The following ZFX variants were observed in gnomAD, a reference collection of about 807,000 sequenced individuals.
ZFX encodes zinc finger X-chromosomal protein.
For missense variants in ZFX, 362 were observed against 628.3 expected, an observed-to-expected ratio of 0.58 and a Z score of 4.53; for synonymous variants, 196 against 226.8, an observed-to-expected ratio of 0.86 and a Z score of 1.22.
intron 4 of ZFX, among the ~76,000 whole-genome samples, chrX:24,178,717 T>C (rs1227406552): frequency 1.8e-5 from 2 of 111,130 alleles, no homozygotes; most frequent in Admixed American, 1.9e-4. Context: ...AAGTTGGGAT[T>C]ATAGGCTTGT....
chrX:24,205,776 C>T (rs1399237367), intron 5 of ZFX, among the ~76,000 whole-genome samples: 2 of 111,064 alleles, frequency 1.8e-5, no homozygotes, highest in Non-Finnish European at 3.8e-5. Context: ...GTCGCTTGAA[C>T]CCAGGAAGCA....
At chrX:24,155,170 AAAG>A (rs759630220) in intron 3 of ZFX, among the ~76,000 whole-genome samples, 1 of 112,284 alleles carries the variant, frequency 8.9e-6, no homozygotes, top group South Asian at 3.7e-4. Context: ...AAAAAGGAAT[AAAG>A]AAAAAAAGTA....
chrX:24,194,508 T>TGGTA (rs1276769514), intron 5 of ZFX, among the ~76,000 whole-genome samples: 1 of 111,248 alleles, frequency 9.0e-6, no homozygotes, highest in African/African-American at 3.3e-5. Context: ...GGTTCCTGCC[T>TGGTA]GGTACCCTGA....
intron 5 of ZFX, among the ~76,000 whole-genome samples, chrX:24,206,363 A>C (rs1229266723): frequency 1.8e-5 from 2 of 110,823 alleles, no homozygotes; most frequent in Non-Finnish European, 3.8e-5. Flanking sequence ...ACATTCTTCT[A>C]AGTTTTTTTG....
intron 5 of ZFX, among the ~76,000 whole-genome samples, chrX:24,197,563 A>AT (rs1437911448): frequency 8.9e-6 from 1 of 112,282 alleles, no homozygotes. Flanking sequence ...ATGGAGAAAG[A>AT]TAAAGGATAC....
intron 5 of ZFX, among the ~76,000 whole-genome samples, chrX:24,186,542 G>A (rs1417746424): frequency 1.8e-5 from 2 of 110,993 alleles, no homozygotes; most frequent in African/African-American, 6.6e-5. Context: ...AGGATCCCTT[G>A]AGCACAGGTG....
intron 5 of ZFX, among the ~76,000 whole-genome samples, chrX:24,194,017 T>C (rs902136780): frequency 4.5e-5 from 5 of 111,391 alleles, no homozygotes; most frequent in Non-Finnish European, 9.4e-5. Flanking sequence ...TTTCTGTCTC[T>C]TAGGAATTCG....
chrX:24,205,545 TTG>T (rs1457793017), intron 5 of ZFX, among the ~76,000 whole-genome samples: 1 of 112,353 alleles, frequency 8.9e-6, no homozygotes, highest in African/African-American at 3.2e-5. Flanking sequence ...CTTGGCTACT[TTG>T]TAAAGTTTTA....
chrX:24,153,763 C>G (rs1023511454), intron 3 of ZFX, among the ~76,000 whole-genome samples: 2 of 111,111 alleles, frequency 1.8e-5, no homozygotes, highest in Non-Finnish European at 3.8e-5. Context: ...AATATAGAGA[C>G]AAGTTCTGAT....
intron 5 of ZFX, among the ~76,000 whole-genome samples, chrX:24,198,490 T>G (rs755528022): frequency 6.3e-5 from 7 of 110,492 alleles, no homozygotes; most frequent in South Asian, 3.8e-4. Flanking sequence ...TTTGTTTTTT[T>G]TTTTTTTTTT....
chrX:24,173,840 C>T (rs1022765124), intron 4 of ZFX: 1 of 407,939 alleles, frequency 2.5e-6, no homozygotes. Context: ...TGTGATCTGC[C>T]TGCCTCGGTC....
chrX:24,155,710 C>T (rs1332111267), intron 3 of ZFX, among the ~76,000 whole-genome samples: 2 of 112,295 alleles, frequency 1.8e-5, no homozygotes, highest in African/African-American at 6.5e-5. Flanking sequence ...TTTTCCCAAT[C>T]TGTTGGGTAT....
intron 3 of ZFX, among the ~76,000 whole-genome samples, chrX:24,171,896 G>C (rs1451729864): frequency 1.6e-5 from 1 of 62,675 alleles, no homozygotes; most frequent in African/African-American, 8.2e-5. Context: ...CACCAGGACA[G>C]AGAGAGAAGG....
intron 5 of ZFX, among the ~76,000 whole-genome samples, chrX:24,182,786 CAG>C (rs1361053090): frequency 9.0e-6 from 1 of 111,200 alleles, no homozygotes; most frequent in East Asian, 2.8e-4. Context: ...AATCACTGGA[CAG>C]AGAGAACCTG....
rs772490555 is a variant in ZFX, at chrX:24,161,003, C to T, written c.-29+8173C>T. ...TTTTCTTTTTGTATTACTGTTATCTCTGTGATATTTATTTCTAATTTTATT... is the reference window on the plus strand; with the variant it reads ...TTTTCTTTTTGTATTACTGTTATCTTTGTGATATTTATTTCTAATTTTATT... On this transcript the variant is annotated intron_variant, in intron 3 of 9. Coordinates refer to ENST00000304543, the MANE Select transcript of ZFX (RefSeq NM_003410.4). Among the ~76,000 whole-genome samples the T allele has an allele frequency of 2.7e-5, 3 of 111,771 alleles. No individual in the cohort carries two copies. In the East Asian group the frequency reaches 8.4e-4, roughly 31 times the overall value.
At chrX:24,171,905 GGAGAGAGAGAGAGAGA>G (rs1213136127) in intron 3 of ZFX, among the ~76,000 whole-genome samples, 1 of 41,899 alleles carries the variant, frequency 2.4e-5, no homozygotes, top group Non-Finnish European at 4.7e-5. Flanking sequence ...AGAGAGAGAA[GGAGAGAGAGAGAGAGA>G]GAGAGAGAGA....
At chrX:24,178,708 A>G (rs757446232) in intron 4 of ZFX, among the ~76,000 whole-genome samples, 20 of 110,428 alleles carry the variant, frequency 1.8e-4, no homozygotes, top group Admixed American at 1.3e-3. Context: ...CCTCCCAGGA[A>G]GTTGGGATTA....
chrX:24,201,261 T>C (rs1293184927), intron 5 of ZFX, among the ~76,000 whole-genome samples: 1 of 112,789 alleles, frequency 8.9e-6, no homozygotes, highest in Non-Finnish European at 1.9e-5. Context: ...AGGTGAATTA[T>C]ATTTATGTAA....
chrX:24,207,245 A>ATT (rs78241704), intron 5 of ZFX, 81 bp from the exon 6 acceptor site: 13,241 of 728,897 alleles, frequency 0.018, 43 homozygotes, highest in African/African-American at 0.028. Context: ...AAAAAAAAAA[A>ATT]TTTTTTTTTT....
Sources: gnomAD v4.1 joint callset for allele counts (sites outside exome capture counted in the v4.1 genomes callset) on GRCh38, gnomAD v4.1.1 for gene constraint, MANE v1.5 for transcripts, NCBI Gene and HGNC (gene_info 2026-07-23, HGNC 2026-07-21) for gene names.